Variants in ARHGEF26 observed in about 807,000 individuals in gnomAD.
The protein encoded by ARHGEF26 is Rho guanine nucleotide exchange factor (GEF) 26.
ARHGEF26 carries 59 observed loss-of-function variants against 89.4 expected under a neutral mutation model. The observed-to-expected ratio is 0.66, with a 90% CI of 0.54 to 0.82. The LOEUF is 0.82. Ranked by LOEUF, ARHGEF26 falls within the 40% of genes least tolerant of loss-of-function variation. ARHGEF26 has a pLI of 0.00. For missense variants in ARHGEF26, 1,234 were observed against 1,085.6 expected (o/e 1.14, Z -1.92); for synonymous variants, 500 against 428.4 (o/e 1.17, Z -2.06).
At chr3:154,172,012 A>C (rs1712475851) in intron 6 of ARHGEF26, among the ~76,000 whole-genome samples, 1 of 152,092 alleles carries the variant, frequency 6.6e-6, no homozygotes, top group African/African-American at 2.4e-5. Context: ...GAATCAACAT[A>C]CCTTAAGAAT....
At chr3:154,213,165 CTT>C (rs1280556031) in intron 9 of ARHGEF26, among the ~76,000 whole-genome samples, 1 of 150,856 alleles carries the variant, frequency 6.6e-6, no homozygotes, top group East Asian at 1.9e-4. Context: ...ATCAAAAAGA[CTT>C]TGTGTTTTAA....
intron 6 of ARHGEF26, among the ~76,000 whole-genome samples, chr3:154,154,888 T>C (rs1410827573): frequency 6.6e-6 from 1 of 152,038 alleles, no homozygotes; most frequent in Non-Finnish European, 1.5e-5. Context: ...TTCTTTGTGC[T>C]TACACCCTGC....
At chr3:154,201,332 C>A (rs561516335) in intron 9 of ARHGEF26, among the ~76,000 whole-genome samples, 89 of 152,178 alleles carry the variant, frequency 5.8e-4, no homozygotes, top group African/African-American at 2.1e-3. Flanking sequence ...AGGACATGAA[C>A]TCATCATTTT....
chr3:154,240,903 G>A (rs551025996), intron 12 of ARHGEF26, among the ~76,000 whole-genome samples: 11 of 152,058 alleles, frequency 7.2e-5, no homozygotes, highest in Non-Finnish European at 1.5e-4. Flanking sequence ...CTATCCTTAA[G>A]GAATATGACT....
intron 4 of ARHGEF26, among the ~76,000 whole-genome samples, chr3:154,146,212 G>A (rs1361533845): frequency 2.0e-5 from 3 of 152,200 alleles, no homozygotes; most frequent in African/African-American, 7.2e-5. Context: ...ACATCTTCAC[G>A]TGGTAGAAGG....
intron 6 of ARHGEF26, among the ~76,000 whole-genome samples, chr3:154,156,026 A>G (rs1720319972): frequency 6.6e-6 from 1 of 152,072 alleles, no homozygotes; most frequent in South Asian, 2.1e-4. Flanking sequence ...GTAATTTATC[A>G]AAACATAAAG....
intron 6 of ARHGEF26, among the ~76,000 whole-genome samples, chr3:154,175,117 G>T (rs1282908271): frequency 2.6e-5 from 4 of 152,148 alleles, no homozygotes; most frequent in Admixed American, 2.6e-4. Flanking sequence ...AGAGGGTAAA[G>T]TTCAGATTTT....
In ARHGEF26 at chr3:154,253,058, A is replaced by T. The variant is rs1354676853; in HGVS notation, c.2301-58A>T. ...CCTTTGCATTGGCTGCCTAGAAAAC[A>T]CTCCATTCTGTGTTTTTACACCTTG... On this transcript the variant is annotated intron_variant, in intron 12 of 14. Coordinates refer to ENST00000465093, the MANE Select transcript of ARHGEF26 (RefSeq NM_015595.4). 5.0e-6 allele frequency: 8 copies of T among 1,597,076 alleles called. No homozygotes were observed. The East Asian group carries it at 1.8e-4, about 36-fold the overall frequency.
In ARHGEF26 at chr3:154,256,891, T is replaced by G. The variant is rs1219446635; in HGVS notation, c.*1418T>G. 2 of 1,535,014 alleles carry G rather than the reference T, an allele frequency of 1.3e-6. No individual in the cohort carries two copies. Among genetic ancestry groups the G allele is most frequent in the African/African-American group, 2.7e-5 (2 of 72,992 alleles). ...AGTGCACAGAGAGAGAAAGGTTATCTTAATAGTCGGTTTCATGGAGATGAA... is the reference window on the plus strand; with the variant it reads ...AGTGCACAGAGAGAGAAAGGTTATCGTAATAGTCGGTTTCATGGAGATGAA... On this transcript the variant is annotated 3_prime_UTR_variant, in exon 15 of 15. Coordinates refer to ENST00000465093, the MANE Select transcript of ARHGEF26 (RefSeq NM_015595.4).
chr3:154,198,855 G>A, intron 9 of ARHGEF26, among the ~76,000 whole-genome samples: 1 of 151,922 alleles, frequency 6.6e-6, no homozygotes, highest in Admixed American at 6.6e-5. Flanking sequence ...AAAACTACCT[G>A]CTCCCTGAAA....
intron 12 of ARHGEF26, among the ~76,000 whole-genome samples, chr3:154,241,126 C>T (rs1313564586): frequency 6.6e-6 from 1 of 152,188 alleles, no homozygotes; most frequent in Non-Finnish European, 1.5e-5. Flanking sequence ...GCAGTTTCGC[C>T]AGCAGTTAGT....
chr3:154,141,458 C>G (rs1385519843), intron 4 of ARHGEF26, among the ~76,000 whole-genome samples: 1 of 152,158 alleles, frequency 6.6e-6, no homozygotes, highest in Non-Finnish European at 1.5e-5. Context: ...CTTTGGCCTC[C>G]ATGATGTACT....
At chr3:154,148,830 A>C (rs183413670) in intron 4 of ARHGEF26, among the ~76,000 whole-genome samples, 43 of 152,308 alleles carry the variant, frequency 2.8e-4, no homozygotes, top group African/African-American at 8.9e-4. Flanking sequence ...TGACAGGCTG[A>C]CCCAGGGTCA....
intron 11 of ARHGEF26, among the ~76,000 whole-genome samples, chr3:154,229,945 A>G (rs1716734620): frequency 6.6e-6 from 1 of 152,202 alleles, no homozygotes; most frequent in South Asian, 2.1e-4. Context: ...GTGCCTACTG[A>G]TAACTTATTA....
rs780634190 is a variant in ARHGEF26 at position 154,122,427 on chromosome 3, C to T, written c.435C>T (p.Arg145=). 3.7e-6 allele frequency: 6 copies of T among 1,611,048 alleles called. No individual in the cohort carries two copies. The highest frequency in any genetic ancestry group is 5.1e-6 in the Non-Finnish European group (6 of 1,178,996). ...CGCCGCCGCCGCCGCCGGTTCTGCG[C>T]CCCCCGCGGACTCCTAACGCGCCCG... The part of the protein sequence containing the change: ...LPAPPPPPVL[R]PPRTPNAPAP... Residue 145 remains arginine (R), a synonymous_variant, in exon 2 of 15, where the codon CGC becomes CGT. Transcript: ENST00000465093.
intron 13 of ARHGEF26, 95 bp from the exon 14 acceptor site, chr3:154,254,625 T>A (rs1009795386): frequency 1.1e-6 from 1 of 934,980 alleles, no homozygotes; most frequent in East Asian, 2.5e-5. Flanking sequence ...ATGCTGGCCC[T>A]GAATTGCAGA....
intron 2 of ARHGEF26, 57 bp from the exon 3 acceptor site, chr3:154,124,353 C>G (rs1718187449): frequency 3.4e-6 from 4 of 1,167,798 alleles, no homozygotes; most frequent in Non-Finnish European, 3.5e-6. Context: ...TTGGCTCATT[C>G]ATACATAGTT....
intron 7 of ARHGEF26, 100 bp from the exon 8 acceptor site, chr3:154,191,189 C>T (rs1713932058): frequency 1.6e-6 from 2 of 1,255,810 alleles, no homozygotes; most frequent in Non-Finnish European, 2.2e-6. Context: ...ATAGTTGATG[C>T]TATATGGATT....
At chr3:154,223,434 G>A (rs1716265947) in intron 10 of ARHGEF26, among the ~76,000 whole-genome samples, 1 of 152,156 alleles carries the variant, frequency 6.6e-6, no homozygotes, top group South Asian at 2.1e-4. Context: ...TAATAGCCAA[G>A]AAAGTGAAAA....
Sources: allele counts gnomAD v4.1 joint callset (sites outside exome capture counted in the v4.1 genomes callset), GRCh38; gene constraint gnomAD v4.1.1; transcripts MANE v1.5; gene names NCBI Gene and HGNC (gene_info 2026-07-23, HGNC 2026-07-21).